Variants in KCNB2 observed in about 807,000 individuals in gnomAD.
KCNB2 encodes the protein delayed rectifier potassium channel protein.
A neutral mutation model predicts 61.5 loss-of-function variants in KCNB2; 15 were observed. The observed-to-expected ratio is 0.24, with a 90% CI of 0.16 to 0.38. The LOEUF is 0.38. Among genes scored for constraint, KCNB2 ranks in the 10% least tolerant of loss-of-function variants. The pLI is 1.00. For missense variants in KCNB2, 828 were observed against 1,125.2 expected, an observed-to-expected ratio of 0.74 and a Z score of 3.78; for synonymous variants, 457 against 446.0, an observed-to-expected ratio of 1.02 and a Z score of -0.31.
At chr8:72,925,204 A>T (rs557334235) in intron 2 of KCNB2, among the ~76,000 whole-genome samples, 1 of 152,340 alleles carries the variant, frequency 6.6e-6, no homozygotes, top group South Asian at 2.1e-4. Context: ...TTCTCTGTTA[A>T]TGGTGATAGA....
intron 2 of KCNB2, among the ~76,000 whole-genome samples, chr8:72,831,547 C>T (rs7007367): frequency 0.22 from 33,358 of 152,150 alleles, 4,053 homozygotes; most frequent in Non-Finnish European, 0.28. Context: ...ACAGTGGACA[C>T]GGAACATAAA....
chr8:72,560,104 T>C (rs866792371), intron 1 of KCNB2, among the ~76,000 whole-genome samples: 5 of 152,170 alleles, frequency 3.3e-5, no homozygotes, highest in Non-Finnish European at 7.3e-5. Context: ...ATGTGTTTGA[T>C]TATGGAGAAA....
At chr8:72,575,262 T>G (rs1314011178) in intron 2 of KCNB2, among the ~76,000 whole-genome samples, 1 of 28,182 alleles carries the variant, frequency 3.5e-5, no homozygotes, top group Non-Finnish European at 6.9e-5. Flanking sequence ...CGCCCCAGCA[T>G]GTTACAGAGA....
At chr8:72,643,614 A>G (rs1464010552) in intron 2 of KCNB2, among the ~76,000 whole-genome samples, 1 of 152,092 alleles carries the variant, frequency 6.6e-6, no homozygotes, top group Non-Finnish European at 1.5e-5. Context: ...TGGCCTACTC[A>G]TCATTTCCTT....
intron 2 of KCNB2, among the ~76,000 whole-genome samples, chr8:72,819,521 C>G (rs1410184923): frequency 6.6e-6 from 1 of 152,008 alleles, no homozygotes; most frequent in Admixed American, 6.5e-5. Context: ...CTTATTGTCT[C>G]TGTTGCATGA....
chr8:72,671,039 G>T (rs954164427), intron 2 of KCNB2, among the ~76,000 whole-genome samples: 8 of 152,246 alleles, frequency 5.3e-5, no homozygotes, highest in African/African-American at 1.7e-4. Context: ...ACATAATAAA[G>T]TTACGGAATT....
chr8:72,849,404 T>A (rs1461690069), intron 2 of KCNB2, among the ~76,000 whole-genome samples: 1 of 152,190 alleles, frequency 6.6e-6, no homozygotes, highest in Non-Finnish European at 1.5e-5. Flanking sequence ...AGTCACCCTA[T>A]AGTGTAAAGA....
chr8:72,906,638 G>A lies in KCNB2; in HGVS notation c.580-29297G>A, dbSNP rs144827163. Among the ~76,000 whole-genome samples the A allele has an allele frequency of 3.4e-3, 524 of 152,238 alleles. 2 individuals are homozygous for A. Among genetic ancestry groups the A allele is most frequent in the African/African-American group, 0.012 (499 of 41,538 alleles). Reference sequence around the variant, plus strand: ...TGGAGCCAAAATAGAGAATTGCATCGTAAGAGAGTGACTCACAATGTTTTG... The same window carrying A: ...TGGAGCCAAAATAGAGAATTGCATCATAAGAGAGTGACTCACAATGTTTTG... On this transcript the variant is annotated intron_variant, in intron 2 of 2. Transcript: ENST00000523207.
At chr8:72,867,576 G>C (rs1805548710) in intron 2 of KCNB2, among the ~76,000 whole-genome samples, 1 of 152,188 alleles carries the variant, frequency 6.6e-6, no homozygotes, top group Non-Finnish European at 1.5e-5. Context: ...ATGAGTGTGT[G>C]ATCTATAGAC....
At chr8:72,817,105 G>A (rs1809412646) in intron 2 of KCNB2, among the ~76,000 whole-genome samples, 1 of 152,134 alleles carries the variant, frequency 6.6e-6, no homozygotes, top group Non-Finnish European at 1.5e-5. Context: ...CTCTTTCAAG[G>A]CCAGGAGGGT....
At chr8:72,571,981 A>G (rs1349774790) in intron 2 of KCNB2, among the ~76,000 whole-genome samples, 1 of 152,218 alleles carries the variant, frequency 6.6e-6, no homozygotes, top group Non-Finnish European at 1.5e-5. Flanking sequence ...AATATTGCAT[A>G]TAGTGACTTC....
intron 1 of KCNB2, among the ~76,000 whole-genome samples, chr8:72,555,489 C>A (rs764940285): frequency 2.0e-5 from 3 of 151,780 alleles, no homozygotes; most frequent in South Asian, 4.1e-4. Context: ...GCTTATTTTA[C>A]ACCGACATGT....
intron 2 of KCNB2, among the ~76,000 whole-genome samples, chr8:72,931,021 G>A (rs1002108621): frequency 5.3e-5 from 8 of 152,220 alleles, no homozygotes; most frequent in Non-Finnish European, 1.0e-4. Context: ...CTAATGGCTA[G>A]CCAGTTTTCC....
Position 72,925,570 on chromosome 8 carries a change from A to G in KCNB2, c.580-10365A>G, listed in dbSNP as rs140468222. Among the ~76,000 whole-genome samples, 55 of 152,316 alleles carry G rather than the reference A, an allele frequency of 3.6e-4. No individual in the cohort carries two copies. The East Asian group carries it at 0.011, about 29-fold the overall frequency. ...CTCAACGTCACTGATCATTAAAGAA[A>G]TGCAAATCAAAACCACAATGAGATA... On this transcript the variant is annotated intron_variant, in intron 2 of 2. Transcript: ENST00000523207.
chr8:72,739,979 T>A (rs1289200942), intron 2 of KCNB2, among the ~76,000 whole-genome samples: 1 of 152,208 alleles, frequency 6.6e-6, no homozygotes, highest in Non-Finnish European at 1.5e-5. Context: ...GTACAACTGC[T>A]TCTAGATAGC....
chr8:72,905,239 T>G (rs1806157092), intron 2 of KCNB2, among the ~76,000 whole-genome samples: 1 of 152,122 alleles, frequency 6.6e-6, no homozygotes, highest in Non-Finnish European at 1.5e-5. Flanking sequence ...AGTGATGAAA[T>G]GTACTCATAG....
intron 2 of KCNB2, among the ~76,000 whole-genome samples, chr8:72,664,068 T>C (rs931793550): frequency 3.3e-5 from 5 of 152,200 alleles, no homozygotes; most frequent in Non-Finnish European, 5.9e-5. Flanking sequence ...TAGATTAAAG[T>C]AAAACAGGGA....
intron 2 of KCNB2, among the ~76,000 whole-genome samples, chr8:72,920,288 C>T (rs561207778): frequency 6.6e-6 from 1 of 151,152 alleles, no homozygotes; most frequent in Admixed American, 6.6e-5. Flanking sequence ...ATAATGTTAA[C>T]TTTGCTTAAA....
chr8:72,702,136 C>G (rs1388839296), intron 2 of KCNB2, among the ~76,000 whole-genome samples: 1 of 152,104 alleles, frequency 6.6e-6, no homozygotes, highest in Non-Finnish European at 1.5e-5. Context: ...AAATCCCACC[C>G]CAGCACTATG....
Sources: gnomAD v4.1 joint callset for allele counts (sites outside exome capture counted in the v4.1 genomes callset) on GRCh38, gnomAD v4.1.1 for gene constraint, MANE v1.5 for transcripts, NCBI Gene and HGNC (gene_info 2026-07-23, HGNC 2026-07-21) for gene names.